ROBO2: variants seen among roughly 807,000 people sequenced by gnomAD.
ROBO2 encodes roundabout homolog 2.
A neutral mutation model predicts 160.8 loss-of-function variants in ROBO2; 53 were observed. The observed-to-expected ratio is 0.33, with a 90% CI of 0.26 to 0.41. ROBO2 has a LOEUF of 0.41. Among genes scored for constraint, ROBO2 ranks in the 10% least tolerant of loss-of-function variants. The probability of loss-of-function intolerance (pLI) is 1.00; values close to 1 mark genes in which losing one functional copy is unlikely to be tolerated. For missense variants in ROBO2, 1,577 were observed against 1,722.4 expected (o/e 0.92, Z 1.49); for synonymous variants, 664 against 611.7 (o/e 1.09, Z -1.26).
intron 2 of ROBO2, among the ~76,000 whole-genome samples, chr3:77,288,855 G>A (rs151057401): frequency 6.6e-6 from 1 of 152,208 alleles, no homozygotes; most frequent in East Asian, 1.9e-4. Flanking sequence ...ATAGTATCAT[G>A]GAGAATATAA....
chr3:76,525,881 A>G (rs537744589), intron 2 of ROBO2, among the ~76,000 whole-genome samples: 13 of 151,470 alleles, frequency 8.6e-5, no homozygotes, highest in South Asian at 8.3e-4. Flanking sequence ...TTTACCGCAG[A>G]AAAAAATATA....
At chr3:76,186,494 A>G (rs942173798) in intron 2 of ROBO2, among the ~76,000 whole-genome samples, 14 of 131,416 alleles carry the variant, frequency 1.1e-4, no homozygotes, top group African/African-American at 3.4e-4. Context: ...TCTTCCTTTC[A>G]TCTTCCACAA....
chr3:77,240,607 G>C (rs561275674), intron 2 of ROBO2, among the ~76,000 whole-genome samples: 1 of 152,312 alleles, frequency 6.6e-6, no homozygotes, highest in African/African-American at 2.4e-5. Flanking sequence ...CACTGAGAGT[G>C]AGCAAGGGCC....
At chr3:77,425,729 A>G (rs1463146634) in intron 2 of ROBO2, among the ~76,000 whole-genome samples, 1 of 149,330 alleles carries the variant, frequency 6.7e-6, no homozygotes, top group African/African-American at 2.5e-5. Flanking sequence ...CAGTGGCATG[A>G]TCTCGGCTCA....
intron 2 of ROBO2, among the ~76,000 whole-genome samples, chr3:76,436,502 A>G (rs1290301818): frequency 6.6e-6 from 1 of 152,132 alleles, no homozygotes; most frequent in Non-Finnish European, 1.5e-5. Context: ...CAGTGCTGCT[A>G]ATGTAAATTT....
intron 2 of ROBO2, among the ~76,000 whole-genome samples, chr3:76,309,245 C>T (rs1247457827): frequency 2.6e-5 from 4 of 152,130 alleles, no homozygotes; most frequent in Non-Finnish European, 4.4e-5. Context: ...AGGATAGTGA[C>T]TGGAAAAAGA....
At chr3:76,885,797 T>C (rs929837716) in intron 2 of ROBO2, among the ~76,000 whole-genome samples, 1 of 152,206 alleles carries the variant, frequency 6.6e-6, no homozygotes, top group Admixed American at 6.5e-5. Context: ...TGATTTTGAA[T>C]GATTACATCT....
chr3:76,285,634 A>G lies in ROBO2; in HGVS notation c.109+348032A>G, dbSNP rs1010579093. ...ATTTTAAGAGAAAAGGCATGAAAATAAGAGACTACCTTGTTCTAAAAGACA... is the reference window on the plus strand; with the variant it reads ...ATTTTAAGAGAAAAGGCATGAAAATGAGAGACTACCTTGTTCTAAAAGACA... On this transcript the variant is annotated intron_variant, in intron 2 of 26. Coordinates refer to the ROBO2 transcript ENST00000487694. Among the ~76,000 whole-genome samples the G allele has an allele frequency of 1.2e-4, 18 of 152,286 alleles. No homozygotes were observed. The South Asian group carries it at 3.7e-3, about 32-fold the overall frequency.
intron 2 of ROBO2, among the ~76,000 whole-genome samples, chr3:76,197,311 T>C (rs1454155902): frequency 6.7e-6 from 1 of 148,448 alleles, no homozygotes; most frequent in Non-Finnish European, 1.5e-5. Flanking sequence ...TGGGGAATGA[T>C]AATCCACTGA....
intron 2 of ROBO2, among the ~76,000 whole-genome samples, chr3:76,430,417 A>G (rs2076390493): frequency 6.6e-6 from 1 of 152,156 alleles, no homozygotes; most frequent in Non-Finnish European, 1.5e-5. Context: ...GTATCTCACA[A>G]ATGCCAGCTG....
chr3:77,244,072 G>T (rs1018665850), intron 2 of ROBO2, among the ~76,000 whole-genome samples: 3 of 152,170 alleles, frequency 2.0e-5, no homozygotes, highest in African/African-American at 7.2e-5. Flanking sequence ...AGAAACAGTA[G>T]TGACTGTATC....
At chr3:76,380,811 G>C (rs1001406842) in intron 2 of ROBO2, among the ~76,000 whole-genome samples, 1 of 152,140 alleles carries the variant, frequency 6.6e-6, no homozygotes, top group East Asian at 1.9e-4. Context: ...CTCAATATAA[G>C]CTAGAAAGTA....
intron 1 of ROBO2, among the ~76,000 whole-genome samples, chr3:77,055,329 G>C (rs905509500): frequency 4.6e-5 from 7 of 152,096 alleles, no homozygotes; most frequent in African/African-American, 1.7e-4. Context: ...GATTGGGCCA[G>C]TAAATTGCAT....
intron 2 of ROBO2, among the ~76,000 whole-genome samples, chr3:76,695,527 A>G (rs1195121472): frequency 6.6e-6 from 1 of 152,212 alleles, no homozygotes; most frequent in African/African-American, 2.4e-5. Context: ...AAATATAACA[A>G]TGCCTTTGAA....
At chr3:76,256,689 T>A (rs2107577535) in intron 2 of ROBO2, among the ~76,000 whole-genome samples, 2 of 151,918 alleles carry the variant, frequency 1.3e-5, no homozygotes, top group South Asian at 4.2e-4. Context: ...CCAGGTTGGG[T>A]GACATAGTAA....
At chr3:77,353,445 T>A (rs1424502242) in intron 2 of ROBO2, among the ~76,000 whole-genome samples, 13 of 152,164 alleles carry the variant, frequency 8.5e-5, no homozygotes, top group Non-Finnish European at 1.6e-4. Flanking sequence ...GAAACAAAAA[T>A]GTTCAAAGGA....
chr3:75,940,354 C>T (rs567974762), intron 2 of ROBO2, among the ~76,000 whole-genome samples: 1 of 152,234 alleles, frequency 6.6e-6, no homozygotes, highest in East Asian at 1.9e-4. Flanking sequence ...GCCATTATCC[C>T]TCTGGGGCCC....
At chr3:77,602,742 G>T (rs765489109) in intron 20 of ROBO2, among the ~76,000 whole-genome samples, 41 of 149,200 alleles carry the variant, frequency 2.7e-4, no homozygotes, top group Non-Finnish European at 5.0e-4. Flanking sequence ...GTGCCAATCG[G>T]TTTCATCTTT....
At position 76,759,439 on chromosome 3, in the gene ROBO2, G is replaced by A. The variant is rs138120999; in HGVS notation, c.110-338575G>A. Among the ~76,000 whole-genome samples the A allele has an allele frequency of 4.1e-3, 627 of 151,626 alleles. 3 individuals are homozygous for A. The highest frequency in any genetic ancestry group is 0.014 in the African/African-American group (580 of 41,420). On this transcript the variant is annotated intron_variant, in intron 2 of 26. Coordinates refer to the ROBO2 transcript ENST00000487694. ...AAATCATTAATTATTACAATGATGT[G>A]GATTTTTTTAGTGTACCTAAAAATT...
Sources: gnomAD v4.1 joint callset for allele counts (sites outside exome capture counted in the v4.1 genomes callset) on GRCh38, gnomAD v4.1.1 for gene constraint, MANE v1.5 for transcripts, NCBI Gene and HGNC (gene_info 2026-07-23, HGNC 2026-07-21) for gene names.